ADAM10: variants seen among roughly 807,000 people sequenced by gnomAD.
ADAM10 encodes disintegrin and metalloproteinase domain-containing protein 10.
In ADAM10, 17 loss-of-function variants were observed where a neutral mutation model predicts 90.1. The observed-to-expected ratio is 0.19, with a 90% confidence interval of 0.13 to 0.28. The LOEUF (loss-of-function observed/expected upper bound fraction) is 0.28, where lower values mean the gene tolerates loss of function less well. Ranked by LOEUF, ADAM10 falls within the 10% of genes least tolerant of loss-of-function variation. The pLI, the probability that ADAM10 is intolerant of heterozygous loss-of-function variation, is 1.00. For missense variants in ADAM10, 610 were observed against 914.3 expected, an observed-to-expected ratio of 0.67 and a Z score of 4.29; for synonymous variants, 310 against 298.6, an observed-to-expected ratio of 1.04 and a Z score of -0.40.
At chr15:58,730,362 G>C (rs1358885090) in intron 1 of ADAM10, among the ~76,000 whole-genome samples, 1 of 152,194 alleles carries the variant, frequency 6.6e-6, no homozygotes, top group Non-Finnish European at 1.5e-5. Flanking sequence ...TTACAACACT[G>C]CTATGCTCAT....
At chr15:58,725,399 A>G (rs1018944130) in intron 1 of ADAM10, among the ~76,000 whole-genome samples, 4 of 150,436 alleles carry the variant, frequency 2.7e-5, no homozygotes, top group Non-Finnish European at 5.9e-5. Context: ...AAAATTAGCC[A>G]GGAATACTTT....
chr15:58,630,594 T>C (rs1439702574), intron 9 of ADAM10, among the ~76,000 whole-genome samples: 1 of 152,198 alleles, frequency 6.6e-6, no homozygotes, highest in Non-Finnish European at 1.5e-5. Flanking sequence ...GAACTTTGTC[T>C]CATTTATGAT....
At chr15:58,655,714 T>C (rs1896802962) in intron 5 of ADAM10, among the ~76,000 whole-genome samples, 1 of 57,370 alleles carries the variant, frequency 1.7e-5, no homozygotes, top group Non-Finnish European at 2.9e-5. Flanking sequence ...ATATATAGTA[T>C]ATATATATAT....
chr15:58,610,085 C>A, intron 14 of ADAM10: 1 of 591,024 alleles, frequency 1.7e-6, no homozygotes. Flanking sequence ...TGACTCCCAT[C>A]ACCTACTAAG....
At chr15:58,668,770 G>C (rs1043806268) in intron 4 of ADAM10, among the ~76,000 whole-genome samples, 1 of 152,028 alleles carries the variant, frequency 6.6e-6, no homozygotes, top group African/African-American at 2.4e-5. Context: ...TCTCTTTCCT[G>C]TATATTCACA....
intron 3 of ADAM10, among the ~76,000 whole-genome samples, chr15:58,680,686 C>T (rs1168202695): frequency 1.3e-5 from 2 of 152,244 alleles, no homozygotes; most frequent in African/African-American, 2.4e-5. Context: ...TTACCCATTA[C>T]GATTCTCTGA....
At chr15:58,621,965 C>G (rs975347532) in intron 10 of ADAM10, among the ~76,000 whole-genome samples, 1 of 151,394 alleles carries the variant, frequency 6.6e-6, no homozygotes, top group East Asian at 1.9e-4. Flanking sequence ...TAGTGCTTCA[C>G]TAACCAGGAA....
At chr15:58,742,821 T>A (rs1409418761) in intron 1 of ADAM10, among the ~76,000 whole-genome samples, 1 of 152,122 alleles carries the variant, frequency 6.6e-6, no homozygotes, top group African/African-American at 2.4e-5. Flanking sequence ...GCATTAACGA[T>A]CATTAATTAA....
chr15:58,698,230 G>C (rs1486356693), intron 2 of ADAM10: 1 of 431,536 alleles, frequency 2.3e-6, no homozygotes, highest in Non-Finnish European at 4.6e-6. Flanking sequence ...ACAATATACA[G>C]ACACAATACT....
Position 58,691,219 on chromosome 15 carries a change from A to G in ADAM10, c.207-8905T>C, listed in dbSNP as rs536072688. On this transcript the variant is annotated intron_variant, in intron 2 of 15. Coordinates refer to ENST00000260408, the MANE Select transcript of ADAM10 (RefSeq NM_001110.4). ...TTCATGAGCCTGCAGAGGTTCTCAA[A>G]CTTTACGTTGCTCTCCTCCATTATC... The G allele has an allele frequency of 5.8e-5, 48 of 831,498 alleles. No individual in the cohort carries two copies. The Admixed American group carries it at 7.0e-4, about 12-fold the overall frequency. The allele number at this position is 831,498 out of a possible 1,614,324, so 51.5% of individuals were successfully genotyped here.
intron 2 of ADAM10, among the ~76,000 whole-genome samples, chr15:58,712,153 T>C (rs1488607662): frequency 6.6e-6 from 1 of 152,188 alleles, no homozygotes; most frequent in Non-Finnish European, 1.5e-5. Context: ...ACAGAGATAT[T>C]CCAACATGTT....
At chr15:58,609,577 A>C (rs1406847686) in intron 14 of ADAM10, 3 of 153,232 alleles carry the variant, frequency 2.0e-5, no homozygotes, top group Non-Finnish European at 4.3e-5. Context: ...GTGAGTTATA[A>C]GTCAATTTCC....
chr15:58,746,480 G>C (rs1899796044), intron 1 of ADAM10, among the ~76,000 whole-genome samples: 2 of 152,118 alleles, frequency 1.3e-5, no homozygotes, highest in African/African-American at 2.4e-5. Context: ...CTACAACATA[G>C]GATGGGACTG....
chr15:58,716,710 A>T (rs1209396937), intron 2 of ADAM10, among the ~76,000 whole-genome samples: 1 of 152,262 alleles, frequency 6.6e-6, no homozygotes, highest in Non-Finnish European at 1.5e-5. Context: ...GTCATCTCAT[A>T]GCAGTAGAAT....
intron 2 of ADAM10, among the ~76,000 whole-genome samples, chr15:58,695,233 G>A (rs1388022052): frequency 1.3e-5 from 2 of 152,052 alleles, no homozygotes; most frequent in Non-Finnish European, 2.9e-5. Flanking sequence ...AAAGCCTTAA[G>A]GACCCAAGCT....
At chr15:58,601,791 T>C (rs1477966142) in intron 14 of ADAM10, among the ~76,000 whole-genome samples, 4 of 152,210 alleles carry the variant, frequency 2.6e-5, no homozygotes, top group African/African-American at 7.2e-5. Flanking sequence ...TTTTATGACC[T>C]TGATACTTTT....
intron 2 of ADAM10, among the ~76,000 whole-genome samples, chr15:58,713,980 A>AT (rs1567008542): frequency 6.6e-6 from 1 of 151,598 alleles, no homozygotes; most frequent in Non-Finnish European, 1.5e-5. Flanking sequence ...AATTGTTTGT[A>AT]TTTTTAGTAG....
rs373159266 is a variant in ADAM10 at position 58,676,297 on chromosome 15, T to C, written c.484+2827A>G. The C allele has an allele frequency of 1.0e-4, 46 of 455,770 alleles. No individual in the cohort carries two copies. In the East Asian group the frequency reaches 3.1e-3, roughly 30 times the overall value. 28.2% of individuals were successfully genotyped at this position (455,770 alleles called of 1,614,324 possible). On this transcript the variant is annotated intron_variant, in intron 4 of 15. Transcript: ENST00000260408. ...AAGCCTCAGTTTAAGCCTTCACCTA[T>C]AAAGTGGGAATAATAGGTGTGCCAG...
chr15:58,611,137 A>T (rs1420679766), intron 12 of ADAM10, 30 bp from the exon 13 acceptor site: 1 of 1,524,870 alleles, frequency 6.6e-7, no homozygotes, highest in Non-Finnish European at 9.1e-7. Context: ...CAAATTGTTT[A>T]ATCCCTATAC....
Sources: gnomAD v4.1 joint callset for allele counts (sites outside exome capture counted in the v4.1 genomes callset) on GRCh38, gnomAD v4.1.1 for gene constraint, MANE v1.5 for transcripts, NCBI Gene and HGNC (gene_info 2026-07-23, HGNC 2026-07-21) for gene names.